CDK10: variants seen among roughly 807,000 people sequenced by gnomAD.
The protein encoded by CDK10 is cyclin-dependent kinase 10.
In CDK10, 55 loss-of-function variants were observed where a neutral mutation model predicts 51.0. That is an observed-to-expected ratio of 1.08 (90% CI 0.87 to 1.35). The LOEUF (loss-of-function observed/expected upper bound fraction) is 1.35. CDK10 is among the 40% of genes most tolerant of loss of function. CDK10 has a pLI of 0.00. For synonymous variants in CDK10, 255 were observed against 199.1 expected, an observed-to-expected ratio of 1.28 and a Z score of -2.36; for missense variants, 589 against 485.1, an observed-to-expected ratio of 1.21 and a Z score of -2.01.
rs2060713673 is a variant in CDK10, at chr16:89,696,223, A to C, written c.*531A>C. The C allele has an allele frequency of 1.5e-5, 4 of 264,602 alleles. No individual in the cohort carries two copies. The highest frequency in any genetic ancestry group is 1.5e-4 in the South Asian group (3 of 20,152). The allele number at this position is 264,602 out of a possible 1,614,324, so 16.4% of individuals were successfully genotyped here. A position where few individuals can be genotyped will look rare whatever the true frequency, so the allele number is the denominator to read the frequency against. On this transcript the variant is annotated 3_prime_UTR_variant, in exon 13 of 13. Coordinates refer to ENST00000353379, the MANE Select transcript of CDK10 (RefSeq NM_052988.5). Reference sequence around the variant, plus strand: ...GAGCCACAATTGAGGATACCCCGAGACTACCAGGAGAGCCCTGGGCTGGAG... The same window carrying C: ...GAGCCACAATTGAGGATACCCCGAGCCTACCAGGAGAGCCCTGGGCTGGAG...
At position 89,690,638 on chromosome 16, in the gene CDK10, T is replaced by C; in HGVS notation, c.232+14T>C. The C allele has an allele frequency of 6.2e-7, 1 of 1,609,732 alleles. No individual in the cohort carries two copies. The highest frequency in any genetic ancestry group is 8.5e-7 in the Non-Finnish European group (1 of 1,176,190). On this transcript the variant is annotated intron_variant, in intron 3 of 12. Transcript: ENST00000353379. ...AGGAGAAGGATGGTGAGCAGGAAAT[T>C]GGGGTGTTGGGACCTCGCACTGGGA...
chr16:89,692,136 C>T (rs974198470), intron 5 of CDK10: 14 of 572,348 alleles, frequency 2.4e-5, no homozygotes, highest in Middle Eastern at 4.6e-4. Flanking sequence ...CAGGCAGCCC[C>T]GGGGCTGAGA....
At chr16:89,694,512 A>T in intron 9 of CDK10, 153 bp from the exon 10 acceptor site, 2 of 1,375,644 alleles carry the variant, frequency 1.5e-6, no homozygotes, top group Non-Finnish European at 2.0e-6. Flanking sequence ...GAGGGGAGCC[A>T]GTGGTCCCTG....
intron 8 of CDK10, chr16:89,693,917 G>A: frequency 1.7e-6 from 1 of 593,650 alleles, no homozygotes; most frequent in Non-Finnish European, 3.0e-6. Flanking sequence ...AGAACGGGTT[G>A]GTAGTGGCTG....
intron 1 of CDK10, chr16:89,687,047 C>T (rs991197378): frequency 2.5e-6 from 1 of 407,616 alleles, no homozygotes; most frequent in Non-Finnish European, 4.3e-6. Context: ...AGAGACGGGC[C>T]CGGGACTTGG....
At chr16:89,693,970 G>C in intron 8 of CDK10, 5 of 620,520 alleles carry the variant, frequency 8.1e-6, no homozygotes, top group Non-Finnish European at 1.2e-5. Context: ...GCGACTCTCA[G>C]GACACCGCTG....
At position 89,695,050 on chromosome 16, in the gene CDK10, C is replaced by A. The variant is rs755964645; in HGVS notation, c.912C>A (p.Phe304Leu). Residue 304 changes from phenylalanine (F) to leucine (L), a missense_variant, in exon 11 of 13, where the codon TTC (phenylalanine) becomes TTA (leucine). Phe to Leu is a conservative substitution (Grantham distance 22, BLOSUM62 0). Transcript: ENST00000353379. The part of the protein sequence containing the change: ...EAGLRLLHFL[F>L]MYDPKKRATA... ...GGCTGCGCCTGCTGCACTTCCTGTT[C>A]ATGTACGACCCTAAGAAAAGGTGCT... The A allele has an allele frequency of 6.2e-7, 1 of 1,613,036 alleles. No individual in the cohort carries two copies. The highest frequency in any genetic ancestry group is 2.2e-5 in the East Asian group (1 of 44,882).
chr16:89,694,212 G>A lies in CDK10; in HGVS notation c.648G>A (p.Gln216=). 6.2e-7 allele frequency: 1 copy of A among 1,614,052 alleles called. No homozygotes were observed. The highest frequency in any genetic ancestry group is 8.5e-7 in the Non-Finnish European group (1 of 1,179,954). Residue 216 remains glutamine (Q), a synonymous_variant, in exon 9 of 13, where the codon CAG becomes CAA. Coordinates refer to ENST00000353379, the MANE Select transcript of CDK10 (RefSeq NM_052988.5). ...AACTGCTGTTGGGAACCACCACGCA[G>A]ACCACCAGCATCGACATGTGGTGAG... ...APELLLGTTT[Q]TTSIDMWAVG... is the part of the protein sequence containing the mutation.
intron 4 of CDK10, 124 bp downstream of exon 4, chr16:89,691,669 C>G: frequency 8.3e-7 from 1 of 1,209,724 alleles, no homozygotes; most frequent in South Asian, 1.3e-5. Flanking sequence ...ATGACCCCAC[C>G]TCACCGCCTG....
Position 89,689,281 on chromosome 16 carries a change from T to G in CDK10, c.117T>G (p.Phe39Leu). The G allele has an allele frequency of 3.7e-6, 6 of 1,614,064 alleles. No individual in the cohort carries two copies. Among genetic ancestry groups the G allele is most frequent in the Non-Finnish European group, 5.1e-6 (6 of 1,180,004 alleles). The part of the protein sequence containing the change: ...RLGRCRSVKE[F>L]EKLNRIGEGT... The stretch of plus-strand genomic sequence containing the variant: ...GACGATGCCGGAGTGTGAAGGAGTT[T>G]GAGAAGCTGAACCGCATTGGAGAGG... The change falls in exon 2 of 13, where the codon TTT (phenylalanine) becomes TTG (leucine). Residue 39 changes from phenylalanine (F) to leucine (L), a missense_variant. By Grantham distance (22) the Phe-to-Leu change is conservative (BLOSUM62 0). Coordinates refer to ENST00000353379, the MANE Select transcript of CDK10 (RefSeq NM_052988.5).
intron 8 of CDK10, 114 bp downstream of exon 8, chr16:89,693,581 T>C (rs2060555868): frequency 9.7e-7 from 1 of 1,035,946 alleles, no homozygotes; most frequent in Non-Finnish European, 1.5e-6. Flanking sequence ...AGCTACAGGG[T>C]CTGTGCACAC....
intron 2 of CDK10, 113 bp downstream of exon 2, chr16:89,689,437 C>G: frequency 1.2e-6 from 1 of 856,830 alleles, no homozygotes; most frequent in Non-Finnish European, 2.0e-6. Context: ...ACCCTGTGCT[C>G]TGAAACAGGG....
Position 89,689,234 on chromosome 16 carries a change from A to T in CDK10, c.88-18A>T. The T allele has an allele frequency of 6.2e-7, 1 of 1,613,770 alleles. No homozygotes were observed. The highest frequency in any genetic ancestry group is 8.5e-7 in the Non-Finnish European group (1 of 1,179,680). ...TCAGCTGCCAAATTTCCACACTGGC[A>T]ACACCCTTCTGTTTCAGCTGGGACG... is the stretch of plus-strand genomic sequence containing the variant. On this transcript the variant is annotated intron_variant, in intron 1 of 12. Transcript: ENST00000353379.
intron 8 of CDK10, chr16:89,693,754 T>C (rs1465806823): frequency 3.6e-6 from 2 of 561,340 alleles, no homozygotes; most frequent in African/African-American, 3.8e-5. Context: ...GAGGGAAGGC[T>C]GCTTCACGGA....
rs377069489 is a variant in CDK10, at chr16:89,694,890, C to T, written c.793-41C>T. The stretch of plus-strand genomic sequence containing the variant: ...GCCCTCTGCGCCCGCAGCCCCCGCC[C>T]GTGCCCACGCCCTCTGCGCCTCAGC... On this transcript the variant is annotated intron_variant, in intron 10 of 12. Transcript: ENST00000353379. The T allele has an allele frequency of 4.8e-4, 769 of 1,600,486 alleles. 2 individuals carry two copies. Among genetic ancestry groups the T allele is most frequent in the South Asian group, 5.6e-4 (51 of 90,620 alleles).
intron 9 of CDK10, 67 bp from the exon 10 acceptor site, chr16:89,694,598 C>A (rs1323117557): frequency 3.9e-6 from 6 of 1,547,536 alleles, no homozygotes; most frequent in African/African-American, 1.4e-5. Flanking sequence ...GCAGTCAGGT[C>A]CTCTGTTCCT....
At chr16:89,693,836 C>T (rs947715777) in intron 8 of CDK10, 5 of 549,230 alleles carry the variant, frequency 9.1e-6, no homozygotes, top group Non-Finnish European at 1.6e-5. Flanking sequence ...CAGGGTCATG[C>T]TTAGCCAGGG....
chr16:89,691,511 C>G lies in CDK10; in HGVS notation c.301C>G (p.Leu101Val). ...CCTGCGTCATCCGAACATCGTGGAGCTGAAGGAGGTGGTTGTGGGGAACCA... is the reference window on the plus strand; with the variant it reads ...CCTGCGTCATCCGAACATCGTGGAGGTGAAGGAGGTGGTTGTGGGGAACCA... ...LRLRHPNIVE[L>V]KEVVVGNHLE... is the part of the protein sequence containing the mutation. Residue 101 changes from leucine to valine, a missense_variant, in exon 4 of 13, where the codon CTG becomes GTG. Transcript: ENST00000353379. 6.2e-7 allele frequency: 1 copy of G among 1,613,964 alleles called. No homozygotes were observed. The highest frequency in any genetic ancestry group is 8.5e-7 in the Non-Finnish European group (1 of 1,179,930).
chr16:89,695,265 T>C (rs1443531199), intron 11 of CDK10, 28 bp from the exon 12 acceptor site: 2 of 1,596,438 alleles, frequency 1.3e-6, no homozygotes, highest in Non-Finnish European at 8.6e-7. Context: ...CACTCACAAG[T>C]CGCACTAACG....
Sources: gnomAD v4.1 joint callset for allele counts on GRCh38, gnomAD v4.1.1 for gene constraint, MANE v1.5 for transcripts, NCBI Gene and HGNC (gene_info 2026-07-23, HGNC 2026-07-21) for gene names.